The following GRIN3A variants were observed in gnomAD, a reference collection of about 807,000 sequenced individuals.
GRIN3A encodes the protein glutamate ionotropic receptor NMDA type subunit 3A.
Under a neutral mutation model 92.4 loss-of-function variants are expected in GRIN3A, and 47 were observed. That is an observed-to-expected ratio of 0.51 (90% CI 0.40 to 0.65). GRIN3A has a LOEUF of 0.65. GRIN3A is among the 30% of genes least tolerant of loss of function. GRIN3A has a pLI of 0.00. For missense variants in GRIN3A, 1,324 were observed against 1,393.1 expected (o/e 0.95, Z 0.79); for synonymous variants, 527 against 540.6 (o/e 0.97, Z 0.35).
chr9:101,630,022 CG>C (rs1429128114), intron 3 of GRIN3A, among the ~76,000 whole-genome samples: 1 of 152,174 alleles, frequency 6.6e-6, no homozygotes. Flanking sequence ...CTTGAACCCC[CG>C]GGGCTGTTCT....
In GRIN3A at chr9:101,672,821, A is replaced by G. The variant is rs112798794; in HGVS notation, c.1305-1714T>C. On this transcript the variant is annotated intron_variant, in intron 2 of 8. Transcript: ENST00000361820. ...AGTGGGATTCTACCACTTAAATTCT[A>G]TTTTGCAACAAGTAATGAAGTCTCA... 1.7e-4 allele frequency among the ~76,000 whole-genome samples: 26 copies of G among 152,210 alleles called. 1 individual carries two copies. The highest frequency in any genetic ancestry group is 5.8e-4 in the African/African-American group (24 of 41,570).
At chr9:101,703,915 C>G (rs775575383) in intron 1 of GRIN3A, among the ~76,000 whole-genome samples, 2 of 152,188 alleles carry the variant, frequency 1.3e-5, no homozygotes, top group Non-Finnish European at 2.9e-5. Context: ...TCTTCATCAA[C>G]ATCTCCATCT....
chr9:101,725,900 T>C (rs1218401939), intron 1 of GRIN3A, among the ~76,000 whole-genome samples: 1 of 152,198 alleles, frequency 6.6e-6, no homozygotes, highest in Non-Finnish European at 1.5e-5. Flanking sequence ...TACTTTACCA[T>C]CTGTAGTCAG....
At chr9:101,722,011 A>G (rs1374817175) in intron 1 of GRIN3A, among the ~76,000 whole-genome samples, 1 of 152,158 alleles carries the variant, frequency 6.6e-6, no homozygotes, top group African/African-American at 2.4e-5. Flanking sequence ...CATGGGGAAA[A>G]TGTCTCCAGG....
chr9:101,622,848 G>C (rs1174362386), intron 5 of GRIN3A, among the ~76,000 whole-genome samples: 1 of 152,166 alleles, frequency 6.6e-6, no homozygotes, highest in South Asian at 2.1e-4. Flanking sequence ...AATCATTCTA[G>C]TTTTTCTGTC....
chr9:101,618,455 A>G (rs2118860443), intron 5 of GRIN3A, among the ~76,000 whole-genome samples: 1 of 152,314 alleles, frequency 6.6e-6, no homozygotes, highest in South Asian at 2.1e-4. Flanking sequence ...AATGCTCACC[A>G]TCACTGGCCA....
In GRIN3A at chr9:101,682,796, C is replaced by G. The variant is rs536602428; in HGVS notation, c.1304+3800G>C. ...AGGAGATCGAGACCATCCTGGCTAACACGGTGAAACCCCGTCTCTACTAAA... is the reference window on the plus strand; with the variant it reads ...AGGAGATCGAGACCATCCTGGCTAAGACGGTGAAACCCCGTCTCTACTAAA... On this transcript the variant is annotated intron_variant, in intron 2 of 8. Transcript: ENST00000361820. Among the ~76,000 whole-genome samples, 179 of 152,230 alleles carry G rather than the reference C, an allele frequency of 1.2e-3. 1 individual carries two copies. The highest frequency in any genetic ancestry group is 4.0e-3 in the African/African-American group (167 of 41,544).
At chr9:101,589,875 G>A (rs1190403183) in intron 6 of GRIN3A, among the ~76,000 whole-genome samples, 1 of 152,122 alleles carries the variant, frequency 6.6e-6, no homozygotes, top group Non-Finnish European at 1.5e-5. Context: ...GTGCCAAAGA[G>A]TGTAACTATG....
intron 1 of GRIN3A, among the ~76,000 whole-genome samples, chr9:101,720,870 G>A (rs1324372330): frequency 6.6e-6 from 1 of 152,138 alleles, no homozygotes; most frequent in Non-Finnish European, 1.5e-5. Flanking sequence ...TGGGAGGAGG[G>A]AGAGGATCAG....
rs140311886 is a variant in GRIN3A at position 101,581,546 on chromosome 9, T to C, written c.2767-2186A>G. 2.1e-3 allele frequency among the ~76,000 whole-genome samples: 313 copies of C among 152,212 alleles called. 4 individuals carry two copies. Among genetic ancestry groups the C allele is most frequent in the Middle Eastern group, 0.02 (6 of 294 alleles). On this transcript the variant is annotated intron_variant, in intron 6 of 8. Transcript: ENST00000361820. ...CAGCCTTTCACCATGGGAGGACACATCATTTGTCCCCTGTGGAGGACAAGC... is the reference window on the plus strand; with the variant it reads ...CAGCCTTTCACCATGGGAGGACACACCATTTGTCCCCTGTGGAGGACAAGC...
In GRIN3A at chr9:101,640,258, C is replaced by T. The variant is rs556078497; in HGVS notation, c.2353-11857G>A. ...GCTTATCTTTCTTTTCTGTTCAGCACATTTGCTTCTGCTGCATGAATCACA... is the reference window on the plus strand; with the variant it reads ...GCTTATCTTTCTTTTCTGTTCAGCATATTTGCTTCTGCTGCATGAATCACA... On this transcript the variant is annotated intron_variant, in intron 3 of 8. Transcript: ENST00000361820. Among the ~76,000 whole-genome samples the T allele has an allele frequency of 9.8e-5, 15 of 152,318 alleles. No homozygotes were observed. In the South Asian group the frequency reaches 1.2e-3, roughly 13 times the overall value.
intron 1 of GRIN3A, among the ~76,000 whole-genome samples, chr9:101,736,047 T>C (rs1006412162): frequency 2.6e-5 from 4 of 152,236 alleles, no homozygotes; most frequent in Admixed American, 2.6e-4. Flanking sequence ...AAACTTTTCA[T>C]TGTACATTGC....
rs1281796011 is a variant in GRIN3A at position 101,670,698 on chromosome 9, A to C, written c.1714T>G (p.Phe572Val). 1 of 1,614,082 alleles carries C rather than the reference A, an allele frequency of 6.2e-7. No individual in the cohort carries two copies. The highest frequency in any genetic ancestry group is 1.3e-5 in the African/African-American group (1 of 75,040). The stretch of plus-strand genomic sequence containing the variant: ...CAATATCCATAGCAGCACTTCTTGA[A>C]TTTAATGGGCACTGTATCATTACTG... ...HSSNDTVPIK[F>V]KKCCYGYCID... Residue 572 changes from phenylalanine (F) to valine (V), a missense_variant, in exon 3 of 9, where the codon TTC (phenylalanine) becomes GTC (valine). By Grantham distance (50) the Phe-to-Val change is conservative. Coordinates refer to ENST00000361820, the MANE Select transcript of GRIN3A (RefSeq NM_133445.3).
rs370872628 is a variant in GRIN3A, at chr9:101,671,290, C to G, written c.1305-183G>C. Among the ~76,000 whole-genome samples, 3 of 152,226 alleles carry G rather than the reference C, an allele frequency of 2.0e-5. No individual in the cohort carries two copies. The East Asian group carries it at 5.8e-4, about 29-fold the overall frequency. ...TCATTCTCTATTATAGGAGTAAAGT[C>G]CTATTGCACTAAGCAAATGAGATTT... On this transcript the variant is annotated intron_variant, in intron 2 of 8. Transcript: ENST00000361820.
intron 3 of GRIN3A, among the ~76,000 whole-genome samples, chr9:101,650,907 C>T (rs1829006670): frequency 6.6e-6 from 1 of 151,976 alleles, no homozygotes; most frequent in South Asian, 2.1e-4. Flanking sequence ...CCTTTTTTCT[C>T]AAACCTTCTC....
chr9:101,576,517 T>C (rs1426804359), intron 8 of GRIN3A, among the ~76,000 whole-genome samples: 1 of 152,236 alleles, frequency 6.6e-6, no homozygotes, highest in African/African-American at 2.4e-5. Flanking sequence ...ATGAATCATA[T>C]CACAGTTGGA....
Position 101,572,862 on chromosome 9 carries a change from A to G in GRIN3A, c.*312T>C. ...GTGCAGAGAAAGGGCTAAAAACCAG[A>G]AATATTACTGTGGCACCTGGTGAAA... On this transcript the variant is annotated 3_prime_UTR_variant, in exon 9 of 9. Coordinates refer to ENST00000361820, the MANE Select transcript of GRIN3A (RefSeq NM_133445.3). The G allele has an allele frequency of 2.7e-6, 1 of 367,258 alleles. No individual in the cohort carries two copies. The highest frequency in any genetic ancestry group is 5.2e-6 in the Non-Finnish European group (1 of 193,646). 22.7% of individuals were successfully genotyped at this position (367,258 alleles called of 1,614,324 possible). A position where few individuals can be genotyped will look rare whatever the true frequency, so the allele number is the denominator to read the frequency against.
At chr9:101,677,567 C>G (rs554917815) in intron 2 of GRIN3A, among the ~76,000 whole-genome samples, 13 of 152,132 alleles carry the variant, frequency 8.5e-5, no homozygotes, top group Middle Eastern at 3.4e-3. Flanking sequence ...ATTTACTTCC[C>G]TTTATTTTTT....
chr9:101,710,757 G>A (rs1345184163), intron 1 of GRIN3A, among the ~76,000 whole-genome samples: 1 of 152,170 alleles, frequency 6.6e-6, no homozygotes, highest in African/African-American at 2.4e-5. Context: ...AACCAGACAT[G>A]GTTTTAGGCA....
Sources: allele counts gnomAD v4.1 joint callset (sites outside exome capture counted in the v4.1 genomes callset), GRCh38; gene constraint gnomAD v4.1.1; transcripts MANE v1.5; gene names NCBI Gene and HGNC (gene_info 2026-07-23, HGNC 2026-07-21).